Variants in ERP44 observed in about 807,000 individuals in gnomAD.
ERP44 encodes the protein endoplasmic reticulum resident protein 44.
Under a neutral mutation model 53.4 loss-of-function variants are expected in ERP44, and 25 were observed. The ratio of observed to expected loss-of-function variants is 0.47; its 90% confidence interval spans 0.34 to 0.65. The LOEUF is 0.65. ERP44 is among the 30% of genes least tolerant of loss of function. The pLI is 0.01. For synonymous variants in ERP44, 145 were observed against 161.2 expected (o/e 0.90, Z 0.76); for missense variants, 338 against 493.2 (o/e 0.69, Z 2.98).
chr9:100,077,660 A>G (rs1340347254), intron 1 of ERP44, among the ~76,000 whole-genome samples: 1 of 152,210 alleles, frequency 6.6e-6, no homozygotes, highest in African/African-American at 2.4e-5. Context: ...CAACAATTCC[A>G]TTAAACTGGA....
intron 1 of ERP44, among the ~76,000 whole-genome samples, chr9:100,093,815 A>G (rs1048241104): frequency 6.6e-6 from 1 of 152,220 alleles, no homozygotes; most frequent in African/African-American, 2.4e-5. Flanking sequence ...AGACAGGCAA[A>G]TTAAAATACA....
chr9:100,025,199 A>G (rs1432876133), intron 4 of ERP44, among the ~76,000 whole-genome samples: 1 of 152,218 alleles, frequency 6.6e-6, no homozygotes, highest in Non-Finnish European at 1.5e-5. Flanking sequence ...TCTACCAAAC[A>G]TTTAAGGAGC....
chr9:100,019,447 C>T (rs1405697617), intron 6 of ERP44, among the ~76,000 whole-genome samples: 2 of 152,084 alleles, frequency 1.3e-5, no homozygotes, highest in East Asian at 1.9e-4. Flanking sequence ...AGCATTAAAG[C>T]AAGGACAAAC....
intron 10 of ERP44, chr9:99,998,915 G>A: frequency 1.9e-6 from 3 of 1,596,240 alleles, no homozygotes; most frequent in Non-Finnish European, 1.7e-6. Flanking sequence ...TCTCAGGGTT[G>A]GCACTGGTCT....
chr9:100,065,435 G>A (rs2118724758), intron 1 of ERP44, among the ~76,000 whole-genome samples: 1 of 152,094 alleles, frequency 6.6e-6, no homozygotes, highest in South Asian at 2.1e-4. Context: ...TGCCATGCGT[G>A]ACTGTACTAT....
intron 1 of ERP44, among the ~76,000 whole-genome samples, chr9:100,067,489 AGTGCTCAATG>A (rs1471783358): frequency 1.3e-5 from 2 of 152,198 alleles, no homozygotes; most frequent in African/African-American, 4.8e-5. Context: ...TGGTTCACTC[AGTGCTCAATG>A]GTGCCCAGGC....
intron 4 of ERP44, among the ~76,000 whole-genome samples, chr9:100,030,159 G>C (rs1162835845): frequency 6.6e-6 from 1 of 152,180 alleles, no homozygotes; most frequent in Non-Finnish European, 1.5e-5. Context: ...TGCCTATGGA[G>C]TAGCCATTCT....
rs939703849 is a variant in ERP44, at chr9:100,098,985, C to T, written c.-145G>A. The T allele has an allele frequency of 9.3e-6, 6 of 643,188 alleles. No homozygotes were observed. Among genetic ancestry groups the T allele is most frequent in the Non-Finnish European group, 1.6e-5 (6 of 364,782 alleles). 39.8% of individuals were successfully genotyped at this position (643,188 alleles called of 1,614,324 possible). ...CGGCACCTCGTCCTCTCGACCCGGG[C>T]TCCAGCGGCGAACACCCGGGACAAC... is the stretch of plus-strand genomic sequence containing the variant. On this transcript the variant is annotated 5_prime_UTR_variant, in exon 1 of 12. Coordinates refer to ENST00000262455, the MANE Select transcript of ERP44 (RefSeq NM_015051.3).
chr9:100,086,556 C>T (rs1180305613), intron 1 of ERP44, among the ~76,000 whole-genome samples: 1 of 152,220 alleles, frequency 6.6e-6, no homozygotes, highest in East Asian at 1.9e-4. Context: ...CAAGTATCTC[C>T]TACATGCCAG....
At chr9:100,084,751 G>A (rs898558364) in intron 1 of ERP44, among the ~76,000 whole-genome samples, 13 of 152,080 alleles carry the variant, frequency 8.5e-5, no homozygotes, top group African/African-American at 2.4e-4. Flanking sequence ...CAGACTCTCC[G>A]AAAATCGTAT....
At chr9:99,988,594 C>T (rs1830220180) in intron 10 of ERP44, among the ~76,000 whole-genome samples, 1 of 152,218 alleles carries the variant, frequency 6.6e-6, no homozygotes, top group Non-Finnish European at 1.5e-5. Flanking sequence ...GAGCTCCAAT[C>T]TGCAGCTCCC....
At chr9:100,005,576 A>C (rs1830417732) in intron 10 of ERP44, among the ~76,000 whole-genome samples, 1 of 152,236 alleles carries the variant, frequency 6.6e-6, no homozygotes, top group African/African-American at 2.4e-5. Context: ...CCCATTAGGT[A>C]GGTGGTATCA....
At chr9:100,079,152 C>T (rs7022493) in intron 1 of ERP44, among the ~76,000 whole-genome samples, 102,807 of 151,878 alleles carry the variant, frequency 0.68, 36,019 homozygotes, top group East Asian at 0.91. Flanking sequence ...AGACCCACCC[C>T]TAATCTGGGT....
chr9:100,051,843 G>A (rs993192999), intron 4 of ERP44, among the ~76,000 whole-genome samples: 1 of 152,144 alleles, frequency 6.6e-6, no homozygotes, highest in Non-Finnish European at 1.5e-5. Flanking sequence ...CAAGCAAAAT[G>A]CAAGAGGTTG....
intron 10 of ERP44, among the ~76,000 whole-genome samples, chr9:99,991,688 G>A (rs1830257344): frequency 6.6e-6 from 1 of 151,970 alleles, no homozygotes; most frequent in African/African-American, 2.4e-5. Flanking sequence ...AGGAGATAGA[G>A]ACACAAAAAC....
At chr9:100,077,500 A>G (rs1587983144) in intron 1 of ERP44, among the ~76,000 whole-genome samples, 1 of 152,212 alleles carries the variant, frequency 6.6e-6, no homozygotes, top group Non-Finnish European at 1.5e-5. Context: ...TCCCATAGCC[A>G]GGATTCATGG....
intron 11 of ERP44, among the ~76,000 whole-genome samples, chr9:99,982,918 G>A (rs1830162686): frequency 1.3e-5 from 2 of 152,168 alleles, no homozygotes; most frequent in Admixed American, 1.3e-4. Context: ...CTCCAGGGCA[G>A]GGTTGCCACA....
At chr9:100,090,886 CTTTT>C (rs560673003) in intron 1 of ERP44, among the ~76,000 whole-genome samples, 116 of 152,262 alleles carry the variant, frequency 7.6e-4, no homozygotes, top group African/African-American at 2.6e-3. Flanking sequence ...CTAATGACCT[CTTTT>C]TTATTTTTAA....
chr9:100,096,577 A>G (rs943248969), intron 1 of ERP44, among the ~76,000 whole-genome samples: 3 of 152,080 alleles, frequency 2.0e-5, no homozygotes, highest in African/African-American at 7.2e-5. Flanking sequence ...TTATGTTTCA[A>G]CTGTTATCTT....
Sources: gnomAD v4.1 joint callset for allele counts (sites outside exome capture counted in the v4.1 genomes callset) on GRCh38, gnomAD v4.1.1 for gene constraint, MANE v1.5 for transcripts, NCBI Gene and HGNC (gene_info 2026-07-23, HGNC 2026-07-21) for gene names.